Variants in ATP9B observed in about 807,000 individuals in gnomAD.
The protein encoded by ATP9B is probable phospholipid-transporting ATPase IIB.
ATP9B carries 110 observed loss-of-function variants against 146.1 expected under a neutral mutation model. That is an observed-to-expected ratio of 0.75 (90% CI 0.65 to 0.88). The LOEUF is 0.88. Among genes scored for constraint, ATP9B ranks in the 40% least tolerant of loss-of-function variants. The pLI, the probability that ATP9B is intolerant of heterozygous loss-of-function variation, is 0.00. For synonymous variants in ATP9B, 604 were observed against 569.7 expected, an observed-to-expected ratio of 1.06 and a Z score of -0.86; for missense variants, 1,499 against 1,496.4, an observed-to-expected ratio of 1.00 and a Z score of -0.03.
At chr18:79,291,900 C>T (rs1413453569) in intron 13 of ATP9B, among the ~76,000 whole-genome samples, 1 of 152,236 alleles carries the variant, frequency 6.6e-6, no homozygotes, top group Non-Finnish European at 1.5e-5. Flanking sequence ...CCATCCTCCC[C>T]TTCCATCGCC....
chr18:79,123,814 A>G (rs2094232048), intron 4 of ATP9B, among the ~76,000 whole-genome samples: 1 of 152,220 alleles, frequency 6.6e-6, no homozygotes, highest in South Asian at 2.1e-4. Context: ...AGTAACTTTT[A>G]TAACTCAACA....
chr18:79,253,712 C>T (rs2096052915), intron 12 of ATP9B, 171 bp downstream of exon 12: 10 of 645,444 alleles, frequency 1.5e-5, no homozygotes, highest in Admixed American at 3.6e-5. Context: ...TTGGGGGAGA[C>T]GTCATCAGTG....
At chr18:79,342,227 C>T (rs1568756789) in intron 19 of ATP9B, 41 bp from the exon 20 acceptor site, 1 of 1,476,802 alleles carries the variant, frequency 6.8e-7, no homozygotes, top group East Asian at 2.3e-5. Flanking sequence ...ATGAACGTGT[C>T]CTTGTCTTGT....
intron 1 of ATP9B, among the ~76,000 whole-genome samples, chr18:79,075,167 C>G (rs1228127162): frequency 6.6e-6 from 1 of 151,854 alleles, no homozygotes; most frequent in African/African-American, 2.4e-5. Flanking sequence ...AGCTCTGCCT[C>G]CCAGGTTCAC....
intron 1 of ATP9B, among the ~76,000 whole-genome samples, chr18:79,073,187 G>C (rs1033429612): frequency 6.6e-6 from 1 of 152,110 alleles, no homozygotes; most frequent in African/African-American, 2.4e-5. Context: ...CCAGACAATG[G>C]GTGGCCAGGC....
At chr18:79,078,187 T>TG (rs2072846842) in intron 1 of ATP9B, 1 of 152,242 alleles carries the variant, frequency 6.6e-6, no homozygotes, top group East Asian at 1.9e-4. Context: ...CTGTCGTCTT[T>TG]GGATGGGATA....
At chr18:79,248,623 C>T (rs1412046425) in intron 11 of ATP9B, among the ~76,000 whole-genome samples, 1 of 152,210 alleles carries the variant, frequency 6.6e-6, no homozygotes, top group Non-Finnish European at 1.5e-5. Context: ...AGCTGTTCTT[C>T]TCTGCTAGTG....
Position 79,372,894 on chromosome 18 carries a change from T to G in ATP9B, c.3070+12T>G. On this transcript the variant is annotated intron_variant, in intron 27 of 29. Transcript: ENST00000426216. ...AAGTATTTACCAAGGTAAGACGAGATCCTTAGTTTACTGGACTAAAGATTT... is the reference window on the plus strand; with the variant it reads ...AAGTATTTACCAAGGTAAGACGAGAGCCTTAGTTTACTGGACTAAAGATTT... 1 of 1,588,862 alleles carries G rather than the reference T, an allele frequency of 6.3e-7. No individual in the cohort carries two copies. Among genetic ancestry groups the G allele is most frequent in the African/African-American group, 1.3e-5 (1 of 74,466 alleles).
At chr18:79,230,902 C>T (rs929020244) in intron 11 of ATP9B, among the ~76,000 whole-genome samples, 1 of 152,098 alleles carries the variant, frequency 6.6e-6, no homozygotes, top group African/African-American at 2.4e-5. Context: ...CAAACAAAAA[C>T]ATAAAGCGAG....
chr18:79,177,236 ATTTAT>A (rs912999362), intron 8 of ATP9B, among the ~76,000 whole-genome samples: 3 of 149,226 alleles, frequency 2.0e-5, no homozygotes, highest in Non-Finnish European at 4.5e-5. Context: ...TCCTTTTTCA[ATTTAT>A]TTTATTTTTT....
chr18:79,252,797 CTTT>C (rs58656067), intron 11 of ATP9B, among the ~76,000 whole-genome samples: 2 of 137,430 alleles, frequency 1.5e-5, no homozygotes, highest in Non-Finnish European at 1.6e-5. Flanking sequence ...CTAACTATTG[CTTT>C]TTTTTTTTTT....
chr18:79,136,757 C>T (rs1016591472), intron 5 of ATP9B, among the ~76,000 whole-genome samples: 1 of 152,162 alleles, frequency 6.6e-6, no homozygotes, highest in Non-Finnish European at 1.5e-5. Context: ...CTAATAAAGA[C>T]ATACCCAAGA....
At chr18:79,184,721 A>T (rs2095288479) in intron 8 of ATP9B, among the ~76,000 whole-genome samples, 1 of 152,012 alleles carries the variant, frequency 6.6e-6, no homozygotes. Flanking sequence ...GTACATACTC[A>T]AGTAATCTCT....
chr18:79,196,761 A>G (rs998942631), intron 9 of ATP9B, among the ~76,000 whole-genome samples: 6 of 152,260 alleles, frequency 3.9e-5, no homozygotes, highest in African/African-American at 1.4e-4. Context: ...GGAAAGATAT[A>G]TCAAGCAAAT....
chr18:79,214,109 C>A, intron 11 of ATP9B, 71 bp downstream of exon 11: 2 of 1,029,398 alleles, frequency 1.9e-6, no homozygotes, highest in South Asian at 2.0e-5. Context: ...CTGCATAGTT[C>A]TGAATAGCTC....
At chr18:79,370,819 C>T (rs557321995) in intron 26 of ATP9B, among the ~76,000 whole-genome samples, 1 of 152,194 alleles carries the variant, frequency 6.6e-6, no homozygotes, top group Non-Finnish European at 1.5e-5. Flanking sequence ...CAATCATTGA[C>T]CTACATGAAT....
chr18:79,196,567 G>A (rs1221146575), intron 9 of ATP9B, among the ~76,000 whole-genome samples: 1 of 152,224 alleles, frequency 6.6e-6, no homozygotes, highest in East Asian at 1.9e-4. Flanking sequence ...TCAAAGCAAG[G>A]AGAGTAGGAT....
At chr18:79,300,021 T>C (rs981043205) in intron 13 of ATP9B, 2 of 152,256 alleles carry the variant, frequency 1.3e-5, no homozygotes, top group African/African-American at 4.8e-5. Context: ...GGATGGTCAC[T>C]AAAAGCAACG....
At chr18:79,183,248 A>G (rs1019043692) in intron 8 of ATP9B, among the ~76,000 whole-genome samples, 2 of 152,176 alleles carry the variant, frequency 1.3e-5, no homozygotes, top group Non-Finnish European at 2.9e-5. Context: ...TGGTAAATTT[A>G]AAAGATATCA....
Sources: allele counts gnomAD v4.1 joint callset (sites outside exome capture counted in the v4.1 genomes callset), GRCh38; gene constraint gnomAD v4.1.1; transcripts MANE v1.5; gene names NCBI Gene and HGNC (gene_info 2026-07-23, HGNC 2026-07-21).